RPS6KA2: variants seen among roughly 807,000 people sequenced by gnomAD.
RPS6KA2 encodes ribosomal protein S6 kinase A2, also known as ribosomal protein S6 kinase alpha-2.
RPS6KA2 carries 42 observed loss-of-function variants against 91.8 expected under a neutral mutation model. The ratio of observed to expected loss-of-function variants is 0.46; its 90% CI spans 0.36 to 0.59. RPS6KA2 has a LOEUF of 0.59. RPS6KA2 is among the 20% of genes least tolerant of loss of function. The pLI is 0.00. For missense variants in RPS6KA2, 798 were observed against 978.5 expected, an observed-to-expected ratio of 0.82 and a Z score of 2.46; for synonymous variants, 414 against 393.6, an observed-to-expected ratio of 1.05 and a Z score of -0.61.
Position 166,418,370 on chromosome 6 carries a change from T to C in RPS6KA2, c.1821-28A>G, listed in dbSNP as rs778804434. 5.2e-6 allele frequency: 8 copies of C among 1,530,664 alleles called. No individual in the cohort carries two copies. Among genetic ancestry groups the C allele is most frequent in the African/African-American group, 1.4e-5 (1 of 73,134 alleles). 94.8% of individuals were successfully genotyped at this position (1,530,664 alleles called of 1,614,324 possible). On this transcript the variant is annotated intron_variant, in intron 18 of 20. Coordinates refer to ENST00000265678, the MANE Select transcript of RPS6KA2 (RefSeq NM_021135.6). This position sits in a 1 kb window ranked among gnomAD's most constrained non-coding sequence, Gnocchi z 4.9. Reference sequence around the variant, plus strand: ...GTATAATTAGACAAATTTGTGGTAATGAGCTTGTATTTTACAACCTAAAAT... The same window carrying C: ...GTATAATTAGACAAATTTGTGGTAACGAGCTTGTATTTTACAACCTAAAAT...
chr6:166,851,728 G>A (rs1780751815), intron 2 of RPS6KA2, among the ~76,000 whole-genome samples: 1 of 152,184 alleles, frequency 6.6e-6, no homozygotes, highest in South Asian at 2.1e-4. Context: ...TGGGAAATGT[G>A]CAAAGGCTGA....
intron 2 of RPS6KA2, among the ~76,000 whole-genome samples, chr6:166,735,734 G>C (rs1175842383): frequency 6.6e-6 from 1 of 152,210 alleles, no homozygotes; most frequent in African/African-American, 2.4e-5. Context: ...GCAGAGCTCA[G>C]GCGATAATGC....
intron 2 of RPS6KA2, among the ~76,000 whole-genome samples, chr6:166,656,476 G>T (rs918247592): frequency 3.3e-5 from 5 of 152,196 alleles, no homozygotes; most frequent in Non-Finnish European, 7.4e-5. Context: ...CGGACACAGG[G>T]GCATCTCCCC....
chr6:166,803,994 C>T (rs11969341), intron 2 of RPS6KA2, among the ~76,000 whole-genome samples: 3,215 of 152,176 alleles, frequency 0.021, 110 homozygotes, highest in African/African-American at 0.07. Context: ...TGCAAAAATA[C>T]GAGCCTGTAA....
Position 166,725,088 on chromosome 6 carries a change from C to T in RPS6KA2, c.123+133112G>A, listed in dbSNP as rs550296948. Among the ~76,000 whole-genome samples the T allele has an allele frequency of 2.0e-5, 3 of 152,278 alleles. No homozygotes were observed. In the East Asian group the frequency reaches 5.8e-4, roughly 29 times the overall value. On this transcript the variant is annotated intron_variant, in intron 2 of 21. Coordinates refer to the RPS6KA2 transcript ENST00000503859. ...GAGAGCAAAAATGCCAAAGAATAAT[C>T]CCACGTTCTTTGGCTTTAGTTTTAT...
rs565547117 is a variant in RPS6KA2, at chr6:166,549,055, CAAAT to C, written c.100-10275_100-10272del. ...TTCACCACTGAAGATACACAGATGA[CAAAT>C]AAGCACATGAGAATATACTCAATAT... is the stretch of plus-strand genomic sequence containing the variant. On this transcript the variant is annotated intron_variant, in intron 1 of 20. Transcript: ENST00000265678. Among the ~76,000 whole-genome samples the C allele has an allele frequency of 7.0e-4, 107 of 152,220 alleles. 1 individual carries two copies. The South Asian group carries it at 0.021, about 30-fold the overall frequency.
intron 1 of RPS6KA2, among the ~76,000 whole-genome samples, chr6:166,622,910 C>G (rs985124472): frequency 1.3e-4 from 20 of 152,240 alleles, no homozygotes; most frequent in African/African-American, 3.6e-4. Flanking sequence ...TCACTGAGGG[C>G]AGGGATCCTA....
Position 166,451,084 on chromosome 6 carries a change from T to G in RPS6KA2, c.1206+19A>C. The stretch of plus-strand genomic sequence containing the variant: ...AAGTGCCCTCTTACCCCCAACCCAC[T>G]GCAGGCAAACACAGTTACCTGCACG... On this transcript the variant is annotated intron_variant, in intron 13 of 20. Coordinates refer to ENST00000265678, the MANE Select transcript of RPS6KA2 (RefSeq NM_021135.6). 1 of 1,613,722 alleles carries G rather than the reference T, an allele frequency of 6.2e-7. No individual in the cohort carries two copies. The highest frequency in any genetic ancestry group is 8.5e-7 in the Non-Finnish European group (1 of 1,179,764).
chr6:166,715,617 T>C (rs1789985964), intron 2 of RPS6KA2, among the ~76,000 whole-genome samples: 1 of 152,174 alleles, frequency 6.6e-6, no homozygotes, highest in Non-Finnish European at 1.5e-5. Context: ...TGTGAGAACA[T>C]GACAGAGTGC....
chr6:166,661,936 A>C (rs1321240956), intron 2 of RPS6KA2, among the ~76,000 whole-genome samples: 1 of 152,180 alleles, frequency 6.6e-6, no homozygotes, highest in African/African-American at 2.4e-5. Context: ...AATCGTACAT[A>C]TCTCTCCCTT....
chr6:166,641,666 G>T (rs370574528), intron 2 of RPS6KA2, among the ~76,000 whole-genome samples: 1 of 128,832 alleles, frequency 7.8e-6, no homozygotes, highest in East Asian at 2.4e-4. Context: ...GGTGCAGTGA[G>T]CCGAGATCAC....
chr6:166,531,300 C>T lies in RPS6KA2; in HGVS notation c.230G>A (p.Arg77Lys), dbSNP rs745788218. ...QGSYGKVFLV[R>K]KVKGSDAGQL... Reference sequence around the variant, plus strand: ...CCCAGCGTCGGACCCCTTCACCTTCCTCACCAGGAACACCTTAGCAAGAGA... The same window carrying T: ...CCCAGCGTCGGACCCCTTCACCTTCTTCACCAGGAACACCTTAGCAAGAGA... Residue 77 changes from arginine to lysine, a missense_variant, in exon 3 of 21, where the codon AGG (arginine) becomes AAG (lysine). Physicochemically the swap from Arg to Lys is conservative, Grantham distance 26. Coordinates refer to ENST00000265678, the MANE Select transcript of RPS6KA2 (RefSeq NM_021135.6). The T allele has an allele frequency of 6.2e-7, 1 of 1,613,928 alleles. No individual in the cohort carries two copies. The highest frequency in any genetic ancestry group is 8.5e-7 in the Non-Finnish European group (1 of 1,179,810).
At chr6:166,687,989 A>G (rs1362243423) in intron 2 of RPS6KA2, among the ~76,000 whole-genome samples, 1 of 152,108 alleles carries the variant, frequency 6.6e-6, no homozygotes, top group African/African-American at 2.4e-5. Context: ...CTTGGGAAGG[A>G]GCAGGGACAG....
intron 2 of RPS6KA2, among the ~76,000 whole-genome samples, chr6:166,711,797 AG>A (rs1277823317): frequency 6.6e-6 from 1 of 152,048 alleles, no homozygotes; most frequent in African/African-American, 2.4e-5. Flanking sequence ...AGAGAGAGAG[AG>A]AGAGACAGAG....
At chr6:166,752,295 A>C (rs1025581416) in intron 2 of RPS6KA2, among the ~76,000 whole-genome samples, 3 of 152,180 alleles carry the variant, frequency 2.0e-5, no homozygotes, top group African/African-American at 7.2e-5. Context: ...TAGGGCTGTG[A>C]AGCGCGTCCA....
chr6:166,727,262 G>A lies in RPS6KA2; in HGVS notation c.123+130938C>T, dbSNP rs2128587374. ...GTGTGAAAGAATTGAAAGTAATGCA[G>A]TTTACATCATATTATTATATCGCAT... On this transcript the variant is annotated intron_variant, in intron 2 of 21. Coordinates refer to the RPS6KA2 transcript ENST00000503859. Among the ~76,000 whole-genome samples the A allele has an allele frequency of 1.3e-5, 2 of 151,950 alleles. 1 individual carries two copies. The highest frequency in any genetic ancestry group is 4.2e-4 in the South Asian group (2 of 4,806).
chr6:166,862,356 G>C, exon 1 of RPS6KA2: 1 of 1,431,812 alleles, frequency 7.0e-7, no homozygotes, highest in African/African-American at 1.4e-5. Flanking sequence ...CGGGGCCTGC[G>C]CCGGCCGGAG....
chr6:166,500,656 G>A lies in RPS6KA2; in HGVS notation c.604+231C>T, dbSNP rs1781995327. Among the ~76,000 whole-genome samples, 1 of 152,202 alleles carries A rather than the reference G, an allele frequency of 6.6e-6. No homozygotes were observed. The highest frequency in any genetic ancestry group is 2.4e-5 in the African/African-American group (1 of 41,450). On this transcript the variant is annotated intron_variant, in intron 7 of 20. Coordinates refer to ENST00000265678, the MANE Select transcript of RPS6KA2 (RefSeq NM_021135.6). This position sits in a 1 kb window ranked among gnomAD's most constrained non-coding sequence, Gnocchi z 4.3. ...GAAGGAGCCCAGCAAACAGAACGTGGCAGGGGAGAGGGAAAAGAAGGGGCC... is the reference window on the plus strand; with the variant it reads ...GAAGGAGCCCAGCAAACAGAACGTGACAGGGGAGAGGGAAAAGAAGGGGCC...
chr6:166,856,438 G>A (rs866220055), intron 2 of RPS6KA2, among the ~76,000 whole-genome samples: 8 of 152,184 alleles, frequency 5.3e-5, no homozygotes, highest in Non-Finnish European at 1.0e-4. Flanking sequence ...CCAGAACTGC[G>A]AGCAATATCT....
Sources: gnomAD v4.1 joint callset for allele counts (sites outside exome capture counted in the v4.1 genomes callset) on GRCh38, gnomAD v4.1.1 for gene constraint, Gnocchi (gnomAD v3.1) non-coding constraint, MANE v1.5 for transcripts, NCBI Gene and HGNC (gene_info 2026-07-23, HGNC 2026-07-21) for gene names.